Variants in CDH11 observed in about 807,000 individuals in gnomAD.
The protein encoded by CDH11 is cadherin-11.
Under a neutral mutation model 67.8 loss-of-function variants are expected in CDH11, and 11 were observed. The observed-to-expected ratio is 0.16, with a 90% CI of 0.10 to 0.27. The LOEUF (loss-of-function observed/expected upper bound fraction) is 0.27, where lower values mean the gene tolerates loss of function less well. Among genes scored for constraint, CDH11 ranks in the 10% least tolerant of loss-of-function variants. The pLI, the probability that CDH11 is intolerant of heterozygous loss-of-function variation, is 1.00. For missense variants in CDH11, 847 were observed against 1,031.2 expected, an observed-to-expected ratio of 0.82 and a Z score of 2.45; for synonymous variants, 419 against 400.0, an observed-to-expected ratio of 1.05 and a Z score of -0.57.
At chr16:65,050,787 T>C (rs2074042270) in intron 2 of CDH11, among the ~76,000 whole-genome samples, 1 of 147,956 alleles carries the variant, frequency 6.8e-6, no homozygotes, top group Admixed American at 7.1e-5. Context: ...CTGTTCTTAA[T>C]TTCCAGGTTA....
rs1245102918 is a variant in CDH11 at position 64,946,517 on chromosome 16, CCTT to C, written c.*1083_*1085del. On this transcript the variant is annotated 3_prime_UTR_variant, in exon 13 of 13. Transcript: ENST00000268603. The stretch of plus-strand genomic sequence containing the variant: ...ATAGACTGACCTAGTTCTTTCACAT[CCTT>C]CTTTTTTAGAAGATGTGTGTGAAGA... The C allele has an allele frequency of 3.9e-6, 4 of 1,030,726 alleles. No individual in the cohort carries two copies. Among genetic ancestry groups the C allele is most frequent in the African/African-American group, 1.7e-5 (1 of 59,208 alleles). The allele number at this position is 1,030,726 out of a possible 1,614,324, so 63.8% of individuals were successfully genotyped here. A position where few individuals can be genotyped will look rare whatever the true frequency, so the allele number is the denominator to read the frequency against.
intron 11 of CDH11, among the ~76,000 whole-genome samples, chr16:64,964,866 C>T (rs188060078): frequency 1.7e-4 from 26 of 152,074 alleles, no homozygotes; most frequent in Admixed American, 2.6e-4. Context: ...TTTATAAACA[C>T]TGTACATTTA....
chr16:65,053,012 A>C (rs115242255), intron 2 of CDH11, among the ~76,000 whole-genome samples: 2,258 of 152,256 alleles, frequency 0.015, 49 homozygotes, highest in African/African-American at 0.052. Flanking sequence ...AAAAACCTGG[A>C]TTTGACGTAC....
At chr16:65,012,426 G>T (rs1367212134) in intron 2 of CDH11, among the ~76,000 whole-genome samples, 1 of 152,206 alleles carries the variant, frequency 6.6e-6, no homozygotes, top group Non-Finnish European at 1.5e-5. Flanking sequence ...AGAACCTTCT[G>T]CAGTGAGTGA....
rs2072835465 is a variant in CDH11, at chr16:64,998,598, T to C, written c.487A>G (p.Thr163Ala). The change falls in exon 4 of 13, where the codon ACC becomes GCC. Residue 163 changes from threonine to alanine, a missense_variant. Physicochemically the swap from Thr to Ala is moderately conservative, Grantham distance 58. Coordinates refer to ENST00000268603, the MANE Select transcript of CDH11 (RefSeq NM_001797.4). ...CTCTCAGGCACGTTGGCATGATAGG[T>C]CTCGTGCAGGAACTCCGGAGGGTTG... ...NDNPPEFLHE[T>A]YHANVPERSN... is the part of the protein sequence containing the mutation. The C allele has an allele frequency of 6.2e-7, 1 of 1,613,888 alleles. No individual in the cohort carries two copies. The highest frequency in any genetic ancestry group is 1.3e-5 in the African/African-American group (1 of 74,862).
intron 1 of CDH11, among the ~76,000 whole-genome samples, chr16:65,057,136 G>A (rs892604324): frequency 6.6e-6 from 1 of 152,158 alleles, no homozygotes; most frequent in Non-Finnish European, 1.5e-5. Flanking sequence ...GCTATAGTGG[G>A]TCATCTGTTT....
intron 11 of CDH11, among the ~76,000 whole-genome samples, chr16:64,954,956 A>T (rs927738103): frequency 4.6e-5 from 7 of 151,762 alleles, no homozygotes; most frequent in African/African-American, 1.5e-4. Context: ...AATAAAAAAA[A>T]AAAAAAAAGG....
chr16:65,100,646 G>A (rs978808146), intron 1 of CDH11, among the ~76,000 whole-genome samples: 43 of 151,154 alleles, frequency 2.8e-4, no homozygotes, highest in Non-Finnish European at 5.0e-4. Context: ...GCTGAGGCAG[G>A]AGAATGACGT....
chr16:65,045,341 A>ATC (rs1473284440), intron 2 of CDH11, among the ~76,000 whole-genome samples: 6 of 66,848 alleles, frequency 9.0e-5, no homozygotes, highest in Non-Finnish European at 1.8e-4. Context: ...ATATATATAT[A>ATC]TATATATATA....
At chr16:64,986,117 G>A (rs1188108940) in intron 7 of CDH11, 2 of 151,982 alleles carry the variant, frequency 1.3e-5, no homozygotes, top group East Asian at 1.9e-4. Flanking sequence ...GACTTTTACA[G>A]TATTAAATTG....
intron 3 of CDH11, among the ~76,000 whole-genome samples, chr16:65,002,986 G>A (rs1223061124): frequency 6.8e-6 from 1 of 148,014 alleles, no homozygotes; most frequent in Admixed American, 6.7e-5. Flanking sequence ...ACCTCTTTGA[G>A]GTTAGGAGCT....
intron 6 of CDH11, among the ~76,000 whole-genome samples, chr16:64,990,612 T>C (rs1046131706): frequency 2.0e-5 from 3 of 152,220 alleles, no homozygotes; most frequent in African/African-American, 7.2e-5. Flanking sequence ...GGGCAACTTA[T>C]GCACTTTTTA....
intron 11 of CDH11, among the ~76,000 whole-genome samples, chr16:64,958,109 C>G (rs1190287189): frequency 6.6e-6 from 1 of 152,206 alleles, no homozygotes; most frequent in Non-Finnish European, 1.5e-5. Context: ...GACCTCTTCA[C>G]CAGACAATAA....
At chr16:64,998,903 T>C (rs778919664) in intron 3 of CDH11, 47 bp from the exon 4 acceptor site, 3 of 1,527,930 alleles carry the variant, frequency 2.0e-6, no homozygotes, top group Non-Finnish European at 2.7e-6. Context: ...AGGAAAGCAG[T>C]GGGGAAACTC....
Position 64,992,700 on chromosome 16 carries a change from T to C in CDH11, c.643+215A>G, listed in dbSNP as rs35193. Among the ~76,000 whole-genome samples the C allele has an allele frequency of 0.26, 39,528 of 152,218 alleles. 5,975 individuals are homozygous for C. Among genetic ancestry groups the C allele is most frequent in the Middle Eastern group, 0.36 (105 of 294 alleles). ...TTAGATTATAGTTGTTATTGGGTCATCGTGAAATATGGGAAAACCAACAAT... is the reference window on the plus strand; with the variant it reads ...TTAGATTATAGTTGTTATTGGGTCACCGTGAAATATGGGAAAACCAACAAT... On this transcript the variant is annotated intron_variant, in intron 5 of 12. Transcript: ENST00000268603.
At position 64,947,714 on chromosome 16, in the gene CDH11, C is replaced by T. The variant is rs566118691; in HGVS notation, c.2280G>A (p.Ser760=). ...SVAGSLSSLE[S]ATTDSDLDYD... ...AGTCCAAGTCTGAATCTGTGGTGGC[C>T]GACTCTAGGGAGCTCAGGGACCCGG... Residue 760 remains serine, a synonymous_variant, in exon 13 of 13, where the codon TCG becomes TCA. Transcript: ENST00000268603. 40 of 1,613,974 alleles carry T rather than the reference C, an allele frequency of 2.5e-5. No homozygotes were observed. The South Asian group carries it at 2.7e-4, about 11-fold the overall frequency.
rs147128148 is a variant in CDH11, at chr16:64,972,825, T to C, written c.1390+79A>G. 327 of 1,455,118 alleles carry C rather than the reference T, an allele frequency of 2.2e-4. No individual in the cohort carries two copies. In the African/African-American group the frequency reaches 4.2e-3, roughly 18 times the overall value. 90.1% of individuals were successfully genotyped at this position (1,455,118 alleles called of 1,614,324 possible). ...ACCAAAAAAGTTAGTCTATCTCAGC[T>C]ATTTTACTTTCCAGAATATAGAGTC... On this transcript the variant is annotated intron_variant, in intron 9 of 12. Transcript: ENST00000268603.
chr16:64,997,300 AAAATAAATAAAT>A (rs71143544), intron 4 of CDH11, among the ~76,000 whole-genome samples: 4 of 125,140 alleles, frequency 3.2e-5, no homozygotes, highest in African/African-American at 6.0e-5. Flanking sequence ...ACTCTGTCTC[AAAATAAATAAAT>A]AAATAAATAA....
At chr16:65,078,257 C>A (rs377465493) in intron 1 of CDH11, among the ~76,000 whole-genome samples, 58 of 152,308 alleles carry the variant, frequency 3.8e-4, no homozygotes, top group African/African-American at 1.3e-3. Context: ...CCTCACGCTG[C>A]TATTTCCATG....
Sources: gnomAD v4.1 joint callset for allele counts (sites outside exome capture counted in the v4.1 genomes callset) on GRCh38, gnomAD v4.1.1 for gene constraint, MANE v1.5 for transcripts, NCBI Gene and HGNC (gene_info 2026-07-23, HGNC 2026-07-21) for gene names.